The following PCCA variants were observed in gnomAD, a reference collection of about 807,000 sequenced individuals.
PCCA encodes propionyl-CoA carboxylase subunit alpha, also known as propionyl-CoA carboxylase alpha chain, mitochondrial.
A neutral mutation model predicts 101.3 loss-of-function variants in PCCA; 74 were observed. The observed-to-expected ratio is 0.73, with a 90% CI of 0.61 to 0.89. PCCA has a LOEUF of 0.89. Among genes scored for constraint, PCCA ranks in the 40% least tolerant of loss-of-function variants. PCCA has a pLI of 0.00. For synonymous variants in PCCA, 294 were observed against 313.6 expected (o/e 0.94, Z 0.66); for missense variants, 891 against 907.0 (o/e 0.98, Z 0.23).
chr13:100,370,723 G>C (rs2075525097), intron 19 of PCCA, among the ~76,000 whole-genome samples: 1 of 152,116 alleles, frequency 6.6e-6, no homozygotes, highest in Admixed American at 6.5e-5. Flanking sequence ...ATTATGAAAG[G>C]AGGCAGGTTG....
intron 16 of PCCA, among the ~76,000 whole-genome samples, chr13:100,313,694 G>A (rs760959806): frequency 5.3e-5 from 8 of 152,194 alleles, no homozygotes; most frequent in Non-Finnish European, 1.2e-4. Flanking sequence ...TACAGTTAAA[G>A]TATAAATTAA....
chr13:100,212,988 A>T (rs4772273), intron 7 of PCCA, among the ~76,000 whole-genome samples: 1 of 151,824 alleles, frequency 6.6e-6, no homozygotes, highest in Non-Finnish European at 1.5e-5. Flanking sequence ...AACATGTCAA[A>T]TTTGTCTTTC....
chr13:100,464,798 T>G (rs2082393846), intron 21 of PCCA, among the ~76,000 whole-genome samples: 1 of 152,224 alleles, frequency 6.6e-6, no homozygotes, highest in Non-Finnish European at 1.5e-5. Context: ...GGGAAGAATT[T>G]GGTGCCTTGT....
chr13:100,391,445 G>T (rs2076796502), intron 19 of PCCA, among the ~76,000 whole-genome samples: 1 of 152,142 alleles, frequency 6.6e-6, no homozygotes. Context: ...CTGGGAGCAA[G>T]AATTGACTTA....
chr13:100,455,394 T>C (rs1026742642), intron 21 of PCCA, among the ~76,000 whole-genome samples: 1 of 152,246 alleles, frequency 6.6e-6, no homozygotes, highest in South Asian at 2.1e-4. Context: ...TTTATAATTT[T>C]CCCACATTTA....
chr13:100,518,399 C>T (rs1423918850), intron 22 of PCCA, among the ~76,000 whole-genome samples: 1 of 152,166 alleles, frequency 6.6e-6, no homozygotes, highest in South Asian at 2.1e-4. Flanking sequence ...CCGCTCGGGG[C>T]GCTTGGTGTG....
chr13:100,461,918 C>T (rs928204609), intron 21 of PCCA, among the ~76,000 whole-genome samples: 4 of 152,088 alleles, frequency 2.6e-5, no homozygotes, highest in Non-Finnish European at 5.9e-5. Context: ...GTCTGTTTAC[C>T]CTCAACTCCA....
intron 19 of PCCA, among the ~76,000 whole-genome samples, chr13:100,373,951 A>C (rs1248602550): frequency 6.6e-6 from 1 of 152,084 alleles, no homozygotes; most frequent in African/African-American, 2.4e-5. Flanking sequence ...GTCTCTACTA[A>C]AAATACAAAA....
At chr13:100,509,080 T>G (rs1456125036) in intron 21 of PCCA, among the ~76,000 whole-genome samples, 2 of 152,196 alleles carry the variant, frequency 1.3e-5, no homozygotes, top group African/African-American at 4.8e-5. Context: ...TAACTTGAAC[T>G]AGACTTGCTA....
intron 20 of PCCA, among the ~76,000 whole-genome samples, chr13:100,430,550 A>G (rs937976627): frequency 3.3e-5 from 5 of 152,170 alleles, no homozygotes; most frequent in Non-Finnish European, 7.4e-5. Flanking sequence ...AGCCTGGCCC[A>G]TGTTGCTGCC....
At chr13:100,268,888 C>G in intron 11 of PCCA, 105 bp downstream of exon 11, 1 of 846,112 alleles carries the variant, frequency 1.2e-6, no homozygotes, top group Non-Finnish European at 2.0e-6. Context: ...GACAGGGTCT[C>G]ACTCTGTTGC....
chr13:100,141,932 A>G (rs568116943), intron 4 of PCCA, among the ~76,000 whole-genome samples: 155 of 152,352 alleles, frequency 1.0e-3, no homozygotes, highest in Non-Finnish European at 1.5e-3. Context: ...TGAATTACAT[A>G]AGAGAGTGGA....
intron 2 of PCCA, among the ~76,000 whole-genome samples, chr13:100,107,172 C>G (rs2047880010): frequency 6.6e-6 from 1 of 152,198 alleles, no homozygotes; most frequent in Non-Finnish European, 1.5e-5. Flanking sequence ...CACATTTTAT[C>G]AGTGACTTAC....
rs763190357 is a variant in PCCA, at chr13:100,157,293, C to G, written c.421C>G (p.Pro141Ala). 1.2e-6 allele frequency: 2 copies of G among 1,609,706 alleles called. No homozygotes were observed. Among genetic ancestry groups the G allele is most frequent in the Non-Finnish European group, 1.7e-6 (2 of 1,176,208 alleles). Residue 141 changes from proline (P) to alanine (A), a missense_variant, in exon 6 of 24, where the codon CCA (proline) becomes GCA (alanine). By Grantham distance (27) the Pro-to-Ala change is conservative. Coordinates refer to ENST00000376285, the MANE Select transcript of PCCA (RefSeq NM_000282.4). ...TTTTGCTTTCATTTCTAAGGTACATCCAGGTTATGGATTCCTTTCAGAAAA... is the reference window on the plus strand; with the variant it reads ...TTTTGCTTTCATTTCTAAGGTACATGCAGGTTATGGATTCCTTTCAGAAAA... ...IKKTRAQAVH[P>A]GYGFLSENKE...
intron 6 of PCCA, among the ~76,000 whole-genome samples, chr13:100,158,030 G>C (rs1355718489): frequency 6.6e-6 from 1 of 152,166 alleles, no homozygotes; most frequent in South Asian, 2.1e-4. Context: ...GTTCATCCTT[G>C]TGTGAACATC....
intron 11 of PCCA, among the ~76,000 whole-genome samples, chr13:100,270,352 C>T (rs1230717307): frequency 6.6e-6 from 1 of 152,150 alleles, no homozygotes; most frequent in African/African-American, 2.4e-5. Context: ...AAAAGGATAC[C>T]TGTGGAACAG....
intron 12 of PCCA, chr13:100,293,093 A>G (rs968069536): frequency 1.3e-5 from 5 of 374,090 alleles, no homozygotes; most frequent in African/African-American, 1.1e-4. Context: ...GAGAGGAATA[A>G]AATCTTAATA....
chr13:100,396,903 C>T (rs1013377373), intron 19 of PCCA, among the ~76,000 whole-genome samples: 2 of 152,198 alleles, frequency 1.3e-5, no homozygotes, highest in South Asian at 4.2e-4. Flanking sequence ...CCATTTCTGT[C>T]CCCAAGGCCC....
intron 16 of PCCA, among the ~76,000 whole-genome samples, chr13:100,322,223 C>T (rs1377753072): frequency 6.6e-6 from 1 of 152,076 alleles, no homozygotes; most frequent in Non-Finnish European, 1.5e-5. Context: ...TCAGGAAACC[C>T]ACAGTAAGAC....
Sources: gnomAD v4.1 joint callset for allele counts (sites outside exome capture counted in the v4.1 genomes callset) on GRCh38, gnomAD v4.1.1 for gene constraint, MANE v1.5 for transcripts, NCBI Gene and HGNC (gene_info 2026-07-23, HGNC 2026-07-21) for gene names.